CSMD1: variants seen among roughly 807,000 people sequenced by gnomAD.
The protein encoded by CSMD1 is CUB and Sushi multiple domains 1.
Under a neutral mutation model 417.5 loss-of-function variants are expected in CSMD1, and 213 were observed. That is an observed-to-expected ratio of 0.51 (90% CI 0.46 to 0.57). The LOEUF (loss-of-function observed/expected upper bound fraction) is 0.57, where lower values mean the gene tolerates loss of function less well. Among genes scored for constraint, CSMD1 ranks in the 20% least tolerant of loss-of-function variants. CSMD1 has a pLI of 0.00. For synonymous variants in CSMD1, 2,862 were observed against 1,736.8 expected, an observed-to-expected ratio of 1.65 and a Z score of -16.11; for missense variants, 6,923 against 4,529.7, an observed-to-expected ratio of 1.53 and a Z score of -15.17.
At chr8:4,397,132 A>G (rs1223479714) in intron 3 of CSMD1, among the ~76,000 whole-genome samples, 1 of 152,094 alleles carries the variant, frequency 6.6e-6, no homozygotes, top group African/African-American at 2.4e-5. Context: ...ACGCCATCAC[A>G]TGGTCGAGCA....
rs142669380 is a variant in CSMD1 at position 2,967,928 on chromosome 8, C to T, written c.8924-1182G>A. On this transcript the variant is annotated intron_variant, in intron 57 of 69. Transcript: ENST00000635120. The stretch of plus-strand genomic sequence containing the variant: ...TGAAAAAAATAATACAAAGTGCACA[C>T]GCTGGTGCTTCCTGGTCCCGTGCCA... Among the ~76,000 whole-genome samples, 6 of 152,190 alleles carry T rather than the reference C, an allele frequency of 3.9e-5. No individual in the cohort carries two copies. The East Asian group carries it at 7.7e-4, about 20-fold the overall frequency.
intron 5 of CSMD1, among the ~76,000 whole-genome samples, chr8:3,936,155 G>A (rs1414810341): frequency 6.8e-6 from 1 of 147,028 alleles, no homozygotes; most frequent in African/African-American, 2.5e-5. Flanking sequence ...TAAATTTGAA[G>A]ATACCAGATG....
chr8:4,296,087 T>C (rs1407321669), intron 3 of CSMD1, among the ~76,000 whole-genome samples: 2 of 152,112 alleles, frequency 1.3e-5, no homozygotes, highest in Non-Finnish European at 2.9e-5. Flanking sequence ...CTCTCTGTTG[T>C]TTTTCTCTTT....
intron 5 of CSMD1, among the ~76,000 whole-genome samples, chr8:3,960,071 T>C (rs1343010815): frequency 2.6e-5 from 4 of 152,218 alleles, no homozygotes; most frequent in African/African-American, 9.6e-5. Flanking sequence ...AGGATGATCA[T>C]CTTATTAGAC....
At chr8:3,938,059 A>G (rs1372117897) in intron 5 of CSMD1, among the ~76,000 whole-genome samples, 1 of 152,150 alleles carries the variant, frequency 6.6e-6, no homozygotes, top group African/African-American at 2.4e-5. Context: ...ACTTCCAACA[A>G]TATTCTGGGG....
At position 4,098,116 on chromosome 8, in the gene CSMD1, C is replaced by T. The variant is rs147098124; in HGVS notation, c.416-66017G>A. ...ACAACAAAGGCTGAATTAAGATGAT[C>T]TTTCACTCATCAGATTTCATATAAA... is the stretch of plus-strand genomic sequence containing the variant. On this transcript the variant is annotated intron_variant, in intron 3 of 69. Transcript: ENST00000635120. Among the ~76,000 whole-genome samples the T allele has an allele frequency of 8.5e-5, 13 of 152,270 alleles. No homozygotes were observed. In the East Asian group the frequency reaches 2.1e-3, roughly 25 times the overall value.
chr8:4,381,112 C>G (rs1371706774), intron 3 of CSMD1, among the ~76,000 whole-genome samples: 1 of 152,064 alleles, frequency 6.6e-6, no homozygotes, highest in African/African-American at 2.4e-5. Flanking sequence ...TACTTTTGCA[C>G]CAACCTAATA....
At chr8:4,482,644 G>C (rs538863991) in intron 2 of CSMD1, among the ~76,000 whole-genome samples, 1 of 152,286 alleles carries the variant, frequency 6.6e-6, no homozygotes, top group Admixed American at 6.5e-5. Flanking sequence ...TGTTATTTCT[G>C]AATTTAGGTC....
intron 3 of CSMD1, among the ~76,000 whole-genome samples, chr8:4,240,398 C>T (rs1563322529): frequency 6.6e-6 from 1 of 152,220 alleles, no homozygotes; most frequent in East Asian, 1.9e-4. Flanking sequence ...CACAGTTGAG[C>T]ACCTTTGCCT....
At chr8:3,945,797 G>C (rs552566802) in intron 5 of CSMD1, among the ~76,000 whole-genome samples, 8 of 152,198 alleles carry the variant, frequency 5.3e-5, no homozygotes, top group East Asian at 3.9e-4. Context: ...AGCAATTTCA[G>C]ACTTCACACA....
chr8:4,614,000 C>T (rs1801332459), intron 2 of CSMD1, among the ~76,000 whole-genome samples: 2 of 151,858 alleles, frequency 1.3e-5, no homozygotes, highest in South Asian at 2.1e-4. Context: ...TTTACATGTC[C>T]TAATAAAAAT....
At chr8:4,784,240 A>G (rs1439659630) in intron 1 of CSMD1, among the ~76,000 whole-genome samples, 1 of 152,334 alleles carries the variant, frequency 6.6e-6, no homozygotes, top group African/African-American at 2.4e-5. Context: ...TTGTAATTGG[A>G]AAAGTCAAGC....
intron 1 of CSMD1, among the ~76,000 whole-genome samples, chr8:4,855,284 CA>C (rs1004936414): frequency 1.3e-5 from 2 of 151,696 alleles, no homozygotes; most frequent in African/African-American, 4.8e-5. Context: ...CATCAAAGAC[CA>C]AAAGTAGATA....
chr8:3,705,184 A>G (rs913273509), intron 7 of CSMD1, among the ~76,000 whole-genome samples: 2 of 152,164 alleles, frequency 1.3e-5, no homozygotes, highest in African/African-American at 4.8e-5. Flanking sequence ...GTCGCCACTG[A>G]GCTGTGGCTG....
intron 10 of CSMD1, among the ~76,000 whole-genome samples, chr8:3,508,189 T>C (rs1419248679): frequency 6.6e-6 from 1 of 152,154 alleles, no homozygotes; most frequent in African/African-American, 2.4e-5. Context: ...AACCTCCTTG[T>C]CTCTTTGGTT....
chr8:3,138,518 C>G (rs1169299981), intron 41 of CSMD1, among the ~76,000 whole-genome samples: 3 of 152,180 alleles, frequency 2.0e-5, no homozygotes, highest in Non-Finnish European at 2.9e-5. Context: ...ATGCTCGTGA[C>G]CAGCACACAA....
At chr8:3,120,040 A>T (rs1328782245) in intron 41 of CSMD1, among the ~76,000 whole-genome samples, 1 of 152,170 alleles carries the variant, frequency 6.6e-6, no homozygotes, top group African/African-American at 2.4e-5. Context: ...ACAATATTGG[A>T]GTGAGCCTGT....
chr8:4,912,435 G>C (rs1459056896), intron 1 of CSMD1, among the ~76,000 whole-genome samples: 1 of 151,870 alleles, frequency 6.6e-6, no homozygotes, highest in African/African-American at 2.4e-5. Flanking sequence ...AGAAAGGCTG[G>C]ACAAGGATTG....
At chr8:4,241,199 C>G (rs1202620384) in intron 3 of CSMD1, among the ~76,000 whole-genome samples, 2 of 152,182 alleles carry the variant, frequency 1.3e-5, no homozygotes, top group Non-Finnish European at 2.9e-5. Context: ...TCCAGTCAAA[C>G]AAAGTCCATG....
Sources: gnomAD v4.1 joint callset for allele counts (sites outside exome capture counted in the v4.1 genomes callset) on GRCh38, gnomAD v4.1.1 for gene constraint, MANE v1.5 for transcripts, NCBI Gene and HGNC (gene_info 2026-07-23, HGNC 2026-07-21) for gene names.